The following SLC35D1 variants were observed in gnomAD, a reference collection of about 807,000 sequenced individuals.
SLC35D1 encodes the protein solute carrier family 35 member D1, also known as nucleotide sugar transporter SLC35D1.
Under a neutral mutation model 46.7 loss-of-function variants are expected in SLC35D1, and 31 were observed. The observed-to-expected ratio is 0.66, with a 90% confidence interval of 0.50 to 0.90. The LOEUF (loss-of-function observed/expected upper bound fraction) is 0.90, where lower values mean the gene tolerates loss of function less well. Ranked by LOEUF, SLC35D1 falls within the 40% of genes least tolerant of loss-of-function variation. The pLI is 0.00. For missense variants in SLC35D1, 397 were observed against 426.2 expected (o/e 0.93, Z 0.60); for synonymous variants, 195 against 164.6 (o/e 1.18, Z -1.41).
chr1:66,988,620 T>C, the SLC35D1 span: 1 of 152,312 alleles, frequency 6.6e-6, no homozygotes, highest in Non-Finnish European at 1.5e-5. Flanking sequence ...TTTTGCTTGC[T>C]CTTGAGTAAG....
intron 11 of SLC35D1, among the ~76,000 whole-genome samples, chr1:67,004,833 T>C (rs1667414436): frequency 6.6e-6 from 1 of 152,158 alleles, no homozygotes; most frequent in Non-Finnish European, 1.5e-5. Flanking sequence ...AATTTTTACT[T>C]GTATTTTTTT....
Position 67,004,528 on chromosome 1 carries a change from C to T in SLC35D1, c.960-80G>A, listed in dbSNP as rs1667407379. 1.2e-5 allele frequency: 15 copies of T among 1,231,206 alleles called. 1 individual carries two copies. The South Asian group carries it at 1.5e-4, about 12-fold the overall frequency. The allele number at this position is 1,231,206 out of a possible 1,614,324, so 76.3% of individuals were successfully genotyped here. A position where few individuals can be genotyped will look rare whatever the true frequency, so the allele number is the denominator to read the frequency against. ...ACACTCTACTCAGTAAAAAAACTTA[C>T]ACCAAAAAATTAGATGAAGAGTAAA... is the stretch of plus-strand genomic sequence containing the variant. On this transcript the variant is annotated intron_variant, in intron 11 of 11. Transcript: ENST00000235345.
intron 10 of SLC35D1, among the ~76,000 whole-genome samples, chr1:67,017,462 G>T (rs183104182): frequency 1.3e-5 from 2 of 152,098 alleles, no homozygotes; most frequent in African/African-American, 4.8e-5. Context: ...ACTGAAAGTT[G>T]AAACTGTGCT....
chr1:66,974,110 A>C, the SLC35D1 span, among the ~76,000 whole-genome samples: 1 of 151,106 alleles, frequency 6.6e-6, no homozygotes, highest in Non-Finnish European at 1.5e-5. Context: ...TTTTTTTTTT[A>C]AGTGGGAACT....
intron 8 of SLC35D1, among the ~76,000 whole-genome samples, chr1:67,023,486 ATTTTTT>A (rs35716426): frequency 7.6e-6 from 1 of 131,840 alleles, no homozygotes; most frequent in Non-Finnish European, 1.6e-5. Context: ...ATCTTTTGCC[ATTTTTT>A]TTTTTTTTTT....
In SLC35D1 at chr1:67,002,997, A is replaced by T. The variant is rs141110029; in HGVS notation, c.*1343T>A. ...GCCCATTCACAGCTGCTCTCCCAAA[A>T]TGCAGCATTGGTTTTGAGAGAAGTT... On this transcript the variant is annotated 3_prime_UTR_variant, in exon 12 of 12. Transcript: ENST00000235345. The T allele has an allele frequency of 1.3e-5, 2 of 152,474 alleles. No homozygotes were observed. The highest frequency in any genetic ancestry group is 3.8e-4 in the East Asian group (2 of 5,326). The allele number at this position is 152,474 out of a possible 1,614,324, so 9.4% of individuals were successfully genotyped here.
At chr1:67,007,655 A>G (rs1297596729) in intron 11 of SLC35D1, among the ~76,000 whole-genome samples, 5 of 152,358 alleles carry the variant, frequency 3.3e-5, no homozygotes, top group Middle Eastern at 3.4e-3. Context: ...ATCAACGAGC[A>G]TACTATGTGT....
the SLC35D1 span, among the ~76,000 whole-genome samples, chr1:66,976,047 G>A: frequency 6.6e-6 from 1 of 152,068 alleles, no homozygotes; most frequent in Non-Finnish European, 1.5e-5. Context: ...GAGTGCAGTG[G>A]TGTGATCTCA....
chr1:67,048,366 T>C (rs376443047), intron 6 of SLC35D1, among the ~76,000 whole-genome samples: 18 of 152,152 alleles, frequency 1.2e-4, no homozygotes, highest in East Asian at 1.2e-3. Flanking sequence ...TTGGGTCCCA[T>C]CAGCTTCAAG....
Position 67,052,865 on chromosome 1 carries a change from C to G in SLC35D1, c.238-8G>C, listed in dbSNP as rs1645325044. On this transcript the variant is annotated splice_polypyrimidine_tract_variant and splice_region_variant and intron_variant, in intron 2 of 11. Transcript: ENST00000235345. The stretch of plus-strand genomic sequence containing the variant: ...TGCCACTGTGGCCACCATCTGTAAA[C>G]AAGAGAACACAGATTCACTGTTCTA... 3.7e-6 allele frequency: 6 copies of G among 1,614,098 alleles called. No individual in the cohort carries two copies. Among genetic ancestry groups the G allele is most frequent in the Non-Finnish European group, 5.1e-6 (6 of 1,180,004 alleles).
rs71801070 is a variant in SLC35D1 at position 67,039,493 on chromosome 1, T to TTG, written c.729+2741_729+2742dup. Among the ~76,000 whole-genome samples the TTG allele has an allele frequency of 5.7e-3, 846 of 148,752 alleles. 6 individuals carry two copies. The highest frequency in any genetic ancestry group is 0.01 in the Middle Eastern group (3 of 294). On this transcript the variant is annotated intron_variant, in intron 8 of 11. Transcript: ENST00000235345. ...GACTTTATTTAAATAAGTGAAAAAA[T>TTG]TGTGTGTGTGTGTGTGTGTGTGTGT...
chr1:66,991,474 G>A, the SLC35D1 span, among the ~76,000 whole-genome samples: 1 of 152,114 alleles, frequency 6.6e-6, no homozygotes, highest in African/African-American at 2.4e-5. Flanking sequence ...CATCCCTAAA[G>A]TTTGTCAAAA....
At chr1:66,983,135 C>A in the SLC35D1 span, among the ~76,000 whole-genome samples, 2 of 152,138 alleles carry the variant, frequency 1.3e-5, no homozygotes, top group East Asian at 3.8e-4. Context: ...CTCAACATTA[C>A]GTACAGTCAA....
At chr1:67,021,700 G>GACACACAC (rs1178697044) in intron 8 of SLC35D1, 98 bp from the exon 9 acceptor site, 62 of 181,956 alleles carry the variant, frequency 3.4e-4, no homozygotes, top group African/African-American at 1.3e-3. Context: ...CTCCAACACA[G>GACACACAC]ACACAGACAC....
chr1:67,029,897 C>T (rs1238706028), intron 8 of SLC35D1, among the ~76,000 whole-genome samples: 1 of 152,166 alleles, frequency 6.6e-6, no homozygotes, highest in Non-Finnish European at 1.5e-5. Context: ...GTTTCCTGCG[C>T]CCCACGCCCC....
chr1:66,973,388 A>G, the SLC35D1 span, among the ~76,000 whole-genome samples: 1 of 152,270 alleles, frequency 6.6e-6, no homozygotes, highest in African/African-American at 2.4e-5. Flanking sequence ...AATATTTATT[A>G]CATTTGCTTA....
At chr1:67,052,173 A>C (rs536931022) in intron 3 of SLC35D1, 94 bp from the exon 4 acceptor site, 2 of 914,110 alleles carry the variant, frequency 2.2e-6, no homozygotes, top group African/African-American at 1.6e-5. Context: ...ATATGATCAA[A>C]ATTTTTTCCA....
At chr1:67,031,259 T>C (rs999557633) in intron 8 of SLC35D1, among the ~76,000 whole-genome samples, 44 of 152,170 alleles carry the variant, frequency 2.9e-4, no homozygotes, top group African/African-American at 9.7e-4. Context: ...ACAAGCACGC[T>C]GTTGCATTCC....
At chr1:67,053,752 C>T in intron 1 of SLC35D1, 59 bp downstream of exon 1, 1 of 1,354,476 alleles carries the variant, frequency 7.4e-7, no homozygotes, top group Non-Finnish European at 9.6e-7. Flanking sequence ...GCCGGCGCCG[C>T]GCCGCCGCCG....
Sources: allele counts gnomAD v4.1 joint callset (sites outside exome capture counted in the v4.1 genomes callset), GRCh38; gene constraint gnomAD v4.1.1; transcripts MANE v1.5; gene names NCBI Gene and HGNC (gene_info 2026-07-23, HGNC 2026-07-21).